The following MINDY2 variants were observed in gnomAD, a reference collection of about 807,000 sequenced individuals.
The protein encoded by MINDY2 is MINDY lysine 48 deubiquitinase 2.
Under a neutral mutation model 68.2 loss-of-function variants are expected in MINDY2, and 52 were observed. The observed-to-expected ratio is 0.76, with a 90% confidence interval of 0.61 to 0.96. The LOEUF (loss-of-function observed/expected upper bound fraction) is 0.96. Ranked by LOEUF, MINDY2 falls within the 40% of genes least tolerant of loss-of-function variation. MINDY2 has a pLI of 0.00. For synonymous variants in MINDY2, 372 were observed against 303.0 expected (o/e 1.23, Z -2.36); for missense variants, 881 against 773.4 (o/e 1.14, Z -1.65).
chr15:58,852,140 G>A (rs192838495), intron 8 of MINDY2, among the ~76,000 whole-genome samples, 175 bp downstream of exon 8: 2 of 151,538 alleles, frequency 1.3e-5, no homozygotes, highest in African/African-American at 4.8e-5. Flanking sequence ...TACAAAATTA[G>A]CCGGGCGTGG....
chr15:58,788,292 G>A (rs943843939), intron 2 of MINDY2, among the ~76,000 whole-genome samples: 1 of 152,274 alleles, frequency 6.6e-6, no homozygotes, highest in East Asian at 1.9e-4. Flanking sequence ...AAAATATTGG[G>A]TAGACTTGAA....
chr15:58,846,105 AAAG>A (rs2032519271), intron 6 of MINDY2, among the ~76,000 whole-genome samples: 4 of 151,974 alleles, frequency 2.6e-5, no homozygotes, highest in Admixed American at 2.6e-4. Context: ...AAAAAAAAAA[AAAG>A]AAAAAACAGA....
At chr15:58,775,281 G>T (rs1236885649) in intron 1 of MINDY2, among the ~76,000 whole-genome samples, 2 of 152,026 alleles carry the variant, frequency 1.3e-5, no homozygotes, top group Non-Finnish European at 2.9e-5. Context: ...AAAGTTATTG[G>T]GGGTCCTCAA....
intron 6 of MINDY2, among the ~76,000 whole-genome samples, chr15:58,836,073 C>G (rs1052537279): frequency 6.6e-6 from 1 of 152,026 alleles, no homozygotes; most frequent in African/African-American, 2.4e-5. Context: ...CCACACCCAG[C>G]TAATTTTTTT....
intron 6 of MINDY2, among the ~76,000 whole-genome samples, chr15:58,843,379 G>C (rs1395546826): frequency 6.6e-6 from 1 of 152,008 alleles, no homozygotes; most frequent in South Asian, 2.1e-4. Context: ...TGAAACTCCT[G>C]ACCTCAAGTG....
At chr15:58,772,435 T>A (rs547363227) in intron 1 of MINDY2, among the ~76,000 whole-genome samples, 200 bp downstream of exon 1, 1 of 152,318 alleles carries the variant, frequency 6.6e-6, no homozygotes, top group South Asian at 2.1e-4. Context: ...CTAACCTCAG[T>A]CTTCTCTTGT....
In MINDY2 at chr15:58,858,321, A is replaced by G. The variant is rs1489498095; in HGVS notation, c.*3711A>G. On this transcript the variant is annotated 3_prime_UTR_variant, in exon 9 of 9. Transcript: ENST00000559228. Reference sequence around the variant, plus strand: ...CATATTCTGTTTCAAATTCTTTATCATATTTCAAGTTCTTTCTCATACTTC... The same window carrying G: ...CATATTCTGTTTCAAATTCTTTATCGTATTTCAAGTTCTTTCTCATACTTC... 3.3e-5 allele frequency: 5 copies of G among 152,168 alleles called. No individual in the cohort carries two copies. Among genetic ancestry groups the G allele is most frequent in the African/African-American group, 4.8e-5 (2 of 41,458 alleles). 9.4% of individuals were successfully genotyped at this position (152,168 alleles called of 1,614,324 possible).
rs1258481756 is a variant in MINDY2, at chr15:58,851,861, C to G, written c.1633C>G (p.Leu545Val). 1 of 1,613,308 alleles carries G rather than the reference C, an allele frequency of 6.2e-7. No individual in the cohort carries two copies. Among genetic ancestry groups the G allele is most frequent in the Non-Finnish European group, 8.5e-7 (1 of 1,179,668 alleles). Reference protein sequence around the residue: ...QIPEGISDLELAKKLQEEEDR... With the variant: ...QIPEGISDLEVAKKLQEEEDR... The stretch of plus-strand genomic sequence containing the variant: ...CCCGGAAGGAATCAGTGATTTGGAA[C>G]TAGCAAAGAAACTCCAAGAGGAAGA... The change falls in exon 8 of 9, where the codon CTA (leucine) becomes GTA (valine). Residue 545 changes from leucine to valine, a missense_variant. Transcript: ENST00000559228.
chr15:58,813,526 G>A (rs559542517), intron 4 of MINDY2, among the ~76,000 whole-genome samples: 23 of 152,282 alleles, frequency 1.5e-4, no homozygotes, highest in Non-Finnish European at 2.9e-4. Flanking sequence ...GTACAGGTAC[G>A]TTTTTCATTT....
At chr15:58,813,931 CTTTT>C (rs60131191) in intron 4 of MINDY2, among the ~76,000 whole-genome samples, 3 of 126,976 alleles carry the variant, frequency 2.4e-5, no homozygotes, top group Admixed American at 1.6e-4. Flanking sequence ...ACTTGCATTT[CTTTT>C]TTTTTTTTTT....
At chr15:58,828,982 A>G (rs1286304684) in intron 5 of MINDY2, among the ~76,000 whole-genome samples, 1 of 152,186 alleles carries the variant, frequency 6.6e-6, no homozygotes, top group African/African-American at 2.4e-5. Flanking sequence ...AGTATCATCA[A>G]TTACAATAAC....
At chr15:58,785,623 T>C (rs1404135969) in intron 1 of MINDY2, among the ~76,000 whole-genome samples, 1 of 152,188 alleles carries the variant, frequency 6.6e-6, no homozygotes, top group Non-Finnish European at 1.5e-5. Context: ...ATGGGAACTC[T>C]CTGTACTTTC....
Position 58,810,245 on chromosome 15 carries a change from A to G in MINDY2, c.979A>G (p.Met327Val), listed in dbSNP as rs758654520. 3.7e-6 allele frequency: 6 copies of G among 1,608,978 alleles called. No homozygotes were observed. In the African/African-American group the frequency reaches 6.7e-5, roughly 18 times the overall value. ...LNYEQNMSDA[M>V]AILHKLQTGL... ...CTATTTTCAGAATATGAGTGATGCC[A>G]TGGCAATTTTGCACAAACTACAGAC... is the stretch of plus-strand genomic sequence containing the variant. The change falls in exon 4 of 9, where the codon ATG becomes GTG. Residue 327 changes from methionine (M) to valine (V), a missense_variant. Met to Val is a conservative substitution (Grantham distance 21). Transcript: ENST00000559228.
chr15:58,789,303 A>G (rs1379148494), intron 2 of MINDY2, among the ~76,000 whole-genome samples: 2 of 152,112 alleles, frequency 1.3e-5, no homozygotes, highest in African/African-American at 4.8e-5. Context: ...GCACCACTGC[A>G]CTCCAGCCTG....
intron 4 of MINDY2, 100 bp from the exon 5 acceptor site, chr15:58,821,615 ATT>A: frequency 1.9e-6 from 1 of 526,478 alleles, no homozygotes; most frequent in South Asian, 4.6e-5. Flanking sequence ...ATAGTTTTAT[ATT>A]TAGTATTATA....
chr15:58,824,118 G>A (rs1253057876), intron 5 of MINDY2, among the ~76,000 whole-genome samples: 2 of 152,154 alleles, frequency 1.3e-5, no homozygotes, highest in African/African-American at 4.8e-5. Flanking sequence ...GTGAAACACT[G>A]TTAACATCTT....
Position 58,830,664 on chromosome 15 carries a change from G to A in MINDY2, c.1226-1110G>A, listed in dbSNP as rs938160754. On this transcript the variant is annotated intron_variant, in intron 5 of 8. Transcript: ENST00000559228. ...AGGCACATCACAGCCTTTGTCTACT[G>A]AATGCTAGCCAGCACTTTGGCATTA... is the stretch of plus-strand genomic sequence containing the variant. Among the ~76,000 whole-genome samples, 4 of 152,256 alleles carry A rather than the reference G, an allele frequency of 2.6e-5. No homozygotes were observed. In the South Asian group the frequency reaches 8.3e-4, roughly 32 times the overall value.
chr15:58,800,028 C>G (rs114340524), intron 2 of MINDY2, among the ~76,000 whole-genome samples: 2 of 152,254 alleles, frequency 1.3e-5, no homozygotes, highest in African/African-American at 4.8e-5. Context: ...ATTATTTTAT[C>G]TTTTGAATAT....
intron 2 of MINDY2, among the ~76,000 whole-genome samples, chr15:58,800,792 G>A (rs1336906468): frequency 3.6e-5 from 5 of 137,774 alleles, no homozygotes; most frequent in Middle Eastern, 4.2e-3. Flanking sequence ...TCGTGATCAC[G>A]CCACTGCACT....
Sources: gnomAD v4.1 joint callset for allele counts (sites outside exome capture counted in the v4.1 genomes callset) on GRCh38, gnomAD v4.1.1 for gene constraint, MANE v1.5 for transcripts, NCBI Gene and HGNC (gene_info 2026-07-23, HGNC 2026-07-21) for gene names.